ZSWIM8: variants seen among roughly 807,000 people sequenced by gnomAD.
ZSWIM8 encodes the protein zinc finger SWIM domain-containing protein 8.
A neutral mutation model predicts 173.7 loss-of-function variants in ZSWIM8; 27 were observed. The ratio of observed to expected loss-of-function variants is 0.16; its 90% confidence interval spans 0.11 to 0.21. The LOEUF (loss-of-function observed/expected upper bound fraction) is 0.21. ZSWIM8 is among the 10% of genes least tolerant of loss of function. ZSWIM8 has a pLI of 1.00. For synonymous variants in ZSWIM8, 958 were observed against 962.0 expected, an observed-to-expected ratio of 1.00 and a Z score of 0.08; for missense variants, 1,627 against 2,428.8, an observed-to-expected ratio of 0.67 and a Z score of 6.94.
In ZSWIM8 at chr10:73,799,389, T is replaced by C; in HGVS notation, c.4564T>C (p.Cys1522Arg). Reference sequence around the variant, plus strand: ...CACTGCTCTACAGCCCCACCTGCCCTGTAGCCCTCAGTATCTCACTCACCC... The same window carrying C: ...CACTGCTCTACAGCCCCACCTGCCCCGTAGCCCTCAGTATCTCACTCACCC... Reference protein sequence around the residue: ...PYTALQPHLPCSPQYLTHPAH... With the variant: ...PYTALQPHLPRSPQYLTHPAH... The change falls in exon 21 of 26, where the codon TGT (cysteine) becomes CGT (arginine). Residue 1522 changes from cysteine to arginine, a missense_variant. This residue lies in a region of ZSWIM8 where 275 missense variants were observed against 290.1 expected (regional missense o/e 0.95). Transcript: ENST00000604729. 1 of 1,611,994 alleles carries C rather than the reference T, an allele frequency of 6.2e-7. No individual in the cohort carries two copies. Among genetic ancestry groups the C allele is most frequent in the Non-Finnish European group, 8.5e-7 (1 of 1,179,144 alleles).
chr10:73,789,306 G>A lies in ZSWIM8; in HGVS notation c.458-61G>A, dbSNP rs2083333770. 1.3e-6 allele frequency: 2 copies of A among 1,572,452 alleles called. No homozygotes were observed. The highest frequency in any genetic ancestry group is 1.7e-6 in the Non-Finnish European group (2 of 1,157,118). On this transcript the variant is annotated intron_variant, in intron 3 of 25. Transcript: ENST00000604729. The surrounding 1 kb of genome is among the most constrained non-coding windows in gnomAD (Gnocchi z 6.8). ...TTGTCTGAATAACTGCAGGGCCAGG[G>A]TCAAGGGCAGAGACCCAGGTCCTGA...
intron 20 of ZSWIM8, 74 bp downstream of exon 20, chr10:73,798,527 GC>G: frequency 7.3e-7 from 1 of 1,366,126 alleles, no homozygotes; most frequent in Non-Finnish European, 1.0e-6. Flanking sequence ...AAAGCTAAGG[GC>G]CCAGCTCTTG....
chr10:73,789,349 GCCC>G lies in ZSWIM8; in HGVS notation c.458-15_458-13del. 6.4e-7 allele frequency: 1 copy of G among 1,553,130 alleles called. No individual in the cohort carries two copies. Among genetic ancestry groups the G allele is most frequent in the Non-Finnish European group, 8.7e-7 (1 of 1,147,618 alleles). On this transcript the variant is annotated splice_polypyrimidine_tract_variant and intron_variant, in intron 3 of 25. Coordinates refer to ENST00000604729, the MANE Select transcript of ZSWIM8 (RefSeq NM_001367799.1). This position sits in a 1 kb window ranked among gnomAD's most constrained non-coding sequence, Gnocchi z 6.8. ...GGTCCTGACAGCACTCCCTGACCAT[GCCC>G]CCATTTCTCCCCAGGGTTCCACCTG...
At chr10:73,795,776 G>A in intron 15 of ZSWIM8, 113 bp downstream of exon 15, 13 of 1,232,008 alleles carry the variant, frequency 1.1e-5, no homozygotes, top group Non-Finnish European at 1.3e-5. Context: ...TGGGCAACAT[G>A]GCGAAACCCC....
In ZSWIM8 at chr10:73,791,059, T is replaced by C. The variant is rs1327482708; in HGVS notation, c.1026T>C (p.Arg342=). 2 of 1,613,832 alleles carry C rather than the reference T, an allele frequency of 1.2e-6. No homozygotes were observed. Among genetic ancestry groups the C allele is most frequent in the Non-Finnish European group, 1.7e-6 (2 of 1,179,890 alleles). ...WACLLRPLRG[R]EPEGVWNLLS... is the part of the protein sequence containing the mutation. ...GTCTGCTGCGCCCTCTGAGGGGCCG[T>C]GAGCCAGAGGGCGTCTGGAACCTGC... The change falls in exon 8 of 26, where the codon CGT becomes CGC. Residue 342 remains arginine, a synonymous_variant. Transcript: ENST00000604729. This position sits in a 1 kb window ranked among gnomAD's most constrained non-coding sequence, Gnocchi z 6.0.
rs1285843197 is a variant in ZSWIM8 at position 73,789,247 on chromosome 10, GAAGT to G, written c.457+61_457+64del. The G allele has an allele frequency of 3.5e-5, 56 of 1,610,820 alleles. 1 individual carries two copies. In the Middle Eastern group the frequency reaches 4.9e-4, roughly 14 times the overall value. ...CTGCTCCTCCCATCCCCTGGCTTAT[GAAGT>G]AAGAACACACCGCAAGAAGCTGGAG... On this transcript the variant is annotated intron_variant, in intron 3 of 25. Coordinates refer to ENST00000604729, the MANE Select transcript of ZSWIM8 (RefSeq NM_001367799.1). This position sits in a 1 kb window ranked among gnomAD's most constrained non-coding sequence, Gnocchi z 6.8.
rs756279228 is a variant in ZSWIM8, at chr10:73,797,327, T to G, written c.3434-50T>G. On this transcript the variant is annotated intron_variant, in intron 17 of 25. Transcript: ENST00000604729. The surrounding 1 kb of genome is among the most constrained non-coding windows in gnomAD (Gnocchi z 5.6). The stretch of plus-strand genomic sequence containing the variant: ...AAGGATAATCCTGAAGGTTGGAGTC[T>G]TAACATCTGGGACTCCTGACTTCTG... 3 of 1,612,980 alleles carry G rather than the reference T, an allele frequency of 1.9e-6. No individual in the cohort carries two copies. The South Asian group carries it at 3.3e-5, about 18-fold the overall frequency.
chr10:73,794,101 T>C (rs778018509), intron 12 of ZSWIM8, 46 bp from the exon 13 acceptor site: 21 of 1,611,882 alleles, frequency 1.3e-5, no homozygotes, highest in Non-Finnish European at 1.8e-5. Context: ...TGCACCTTGA[T>C]CTCTATTGAC....
Position 73,800,619 on chromosome 10 carries a change from C to A in ZSWIM8, c.5003-21C>A. 1 of 1,610,286 alleles carries A rather than the reference C, an allele frequency of 6.2e-7. No homozygotes were observed. Reference sequence around the variant, plus strand: ...GAAGAGGATACACCGTACCATGTGCCCACCCTTATCTATCTCCCAGGAATG... The same window carrying A: ...GAAGAGGATACACCGTACCATGTGCACACCCTTATCTATCTCCCAGGAATG... On this transcript the variant is annotated intron_variant, in intron 23 of 25. Coordinates refer to ENST00000604729, the MANE Select transcript of ZSWIM8 (RefSeq NM_001367799.1). The surrounding 1 kb of genome is among the most constrained non-coding windows in gnomAD (Gnocchi z 4.1).
At position 73,789,976 on chromosome 10, in the gene ZSWIM8, T is replaced by C; in HGVS notation, c.759T>C (p.Arg253=). ...LPQQILPTAQ[R]LLDELLSSQS... is the part of the protein sequence containing the mutation. ...CTCAGATCCTCCCCACAGCTCAGCG[T>C]CTCCTGGACGAACTCCTGTCTTCCC... The change falls in exon 6 of 26, where the codon CGT becomes CGC. Residue 253 remains arginine (R), a synonymous_variant. Coordinates refer to ENST00000604729, the MANE Select transcript of ZSWIM8 (RefSeq NM_001367799.1). The surrounding 1 kb of genome is among the most constrained non-coding windows in gnomAD (Gnocchi z 6.8). The C allele has an allele frequency of 6.2e-7, 1 of 1,613,436 alleles. No homozygotes were observed. The highest frequency in any genetic ancestry group is 8.5e-7 in the Non-Finnish European group (1 of 1,179,694).
chr10:73,800,686 C>T lies in ZSWIM8; in HGVS notation c.5049C>T (p.His1683=). The part of the protein sequence containing the change: ...EMLGRRAHND[H]PNNFSRSPPY... The stretch of plus-strand genomic sequence containing the variant: ...TGGGTCGCCGGGCACACAACGATCA[C>T]CCCAACAACTTCTCCCGCTCCCCCC... Residue 1683 remains histidine (H), a synonymous_variant, in exon 24 of 26, where the codon CAC becomes CAT. Coordinates refer to ENST00000604729, the MANE Select transcript of ZSWIM8 (RefSeq NM_001367799.1). This position sits in a 1 kb window ranked among gnomAD's most constrained non-coding sequence, Gnocchi z 4.1. The T allele has an allele frequency of 6.2e-7, 1 of 1,613,818 alleles. No homozygotes were observed. Among genetic ancestry groups the T allele is most frequent in the Non-Finnish European group, 8.5e-7 (1 of 1,179,796 alleles).
chr10:73,791,898 G>A lies in ZSWIM8; in HGVS notation c.1359G>A (p.Leu453=), dbSNP rs753876322. ...GTACGCAGCTGCGGCAGTGGCAACT[G>A]AAGGTGATTGAGAACGTCAAGCGGG... ...ELCTQLRQWQ[L]KVIENVKRGQ... Residue 453 remains leucine (L), a synonymous_variant, in exon 10 of 26, where the codon CTG becomes CTA. Coordinates refer to ENST00000604729, the MANE Select transcript of ZSWIM8 (RefSeq NM_001367799.1). This position sits in a 1 kb window ranked among gnomAD's most constrained non-coding sequence, Gnocchi z 6.0. 4.5e-6 allele frequency: 7 copies of A among 1,546,142 alleles called. No homozygotes were observed. In the South Asian group the frequency reaches 8.4e-5, roughly 18 times the overall value.
Position 73,791,424 on chromosome 10 carries a change from C to A in ZSWIM8, c.1244C>A (p.Ala415Asp). 6.2e-7 allele frequency: 1 copy of A among 1,613,938 alleles called. No homozygotes were observed. Among genetic ancestry groups the A allele is most frequent in the Non-Finnish European group, 8.5e-7 (1 of 1,179,820 alleles). Residue 415 changes from alanine (A) to aspartate (D), a missense_variant, in exon 9 of 26, where the codon GCC becomes GAC. Ala to Asp is a moderately radical substitution (Grantham distance 126). Coordinates refer to ENST00000604729, the MANE Select transcript of ZSWIM8 (RefSeq NM_001367799.1). The surrounding 1 kb of genome is among the most constrained non-coding windows in gnomAD (Gnocchi z 6.0). ...SNGQSEVAAHACASMCDEMVT... is the reference protein window; with the variant it reads ...SNGQSEVAAHDCASMCDEMVT... The stretch of plus-strand genomic sequence containing the variant: ...GGGCAGTCAGAGGTGGCAGCCCATG[C>A]CTGTGCCAGCATGTGTGACGAGATG...
In ZSWIM8 at chr10:73,789,293, C is replaced by T; in HGVS notation, c.458-74C>T. 6.3e-7 allele frequency: 1 copy of T among 1,587,252 alleles called. No homozygotes were observed. Among genetic ancestry groups the T allele is most frequent in the Non-Finnish European group, 8.6e-7 (1 of 1,164,194 alleles). ...AAGCTGGAGCATGTTGTCTGAATAA[C>T]TGCAGGGCCAGGGTCAAGGGCAGAG... On this transcript the variant is annotated intron_variant, in intron 3 of 25. Transcript: ENST00000604729. This position sits in a 1 kb window ranked among gnomAD's most constrained non-coding sequence, Gnocchi z 6.8.
Position 73,792,195 on chromosome 10 carries a change from G to T in ZSWIM8, c.1656G>T (p.Leu552Phe). Reference sequence around the variant, plus strand: ...AGCCTGGGACCAAGCGAAAGGGCTTGGGTGAGGGGGTCCCCTCATCACAGC... The same window carrying T: ...AGCCTGGGACCAAGCGAAAGGGCTTTGGTGAGGGGGTCCCCTCATCACAGC... ...PKEPGTKRKG[L>F]GEGVPSSQRG... Residue 552 changes from leucine to phenylalanine, a missense_variant, in exon 10 of 26, where the codon TTG (leucine) becomes TTT (phenylalanine). By Grantham distance (22) the Leu-to-Phe change is conservative. Around this residue, in one of 18 missense-constraint regions of ZSWIM8, gnomAD observed 383 missense variants for 394.8 expected, o/e 0.97. Coordinates refer to ENST00000604729, the MANE Select transcript of ZSWIM8 (RefSeq NM_001367799.1). This position sits in a 1 kb window ranked among gnomAD's most constrained non-coding sequence, Gnocchi z 4.3. 1 of 1,534,880 alleles carries T rather than the reference G, an allele frequency of 6.5e-7. No individual in the cohort carries two copies. The highest frequency in any genetic ancestry group is 1.3e-5 in the South Asian group (1 of 78,058).
At position 73,794,235 on chromosome 10, in the gene ZSWIM8, G is replaced by A. The variant is rs762442972; in HGVS notation, c.2714G>A (p.Arg905Gln). The change falls in exon 13 of 26, where the codon CGG becomes CAG. Residue 905 changes from arginine (R) to glutamine (Q), a missense_variant. Around this residue, in one of 18 missense-constraint regions of ZSWIM8, gnomAD observed 169 missense variants for 235.3 expected, o/e 0.72. Coordinates refer to ENST00000604729, the MANE Select transcript of ZSWIM8 (RefSeq NM_001367799.1). ...GPSEMSTMRC[R>Q]AEELREGTLC... is the part of the protein sequence containing the mutation. Reference sequence around the variant, plus strand: ...AGTGAGATGAGTACCATGCGGTGCCGGGCAGAGGAACTTCGGGAGGGGACA... The same window carrying A: ...AGTGAGATGAGTACCATGCGGTGCCAGGCAGAGGAACTTCGGGAGGGGACA... 5.6e-6 allele frequency: 9 copies of A among 1,613,996 alleles called. No individual in the cohort carries two copies. Among genetic ancestry groups the A allele is most frequent in the South Asian group, 2.2e-5 (2 of 91,088 alleles).
At chr10:73,796,567 G>A (rs887511646) in intron 15 of ZSWIM8, 90 of 629,938 alleles carry the variant, frequency 1.4e-4, no homozygotes, top group Middle Eastern at 5.2e-4. Context: ...GCCCTGTGGT[G>A]TTAATGGAGG....
rs1463694463 is a variant in ZSWIM8 at position 73,800,808 on chromosome 10, C to T, written c.5122+49C>T. 5 of 1,401,400 alleles carry T rather than the reference C, an allele frequency of 3.6e-6. No homozygotes were observed. Among genetic ancestry groups the T allele is most frequent in the East Asian group, 4.6e-5 (2 of 43,394 alleles). The allele number at this position is 1,401,400 out of a possible 1,614,324, so 86.8% of individuals were successfully genotyped here. A position where few individuals can be genotyped will look rare whatever the true frequency, so the allele number is the denominator to read the frequency against. Reference sequence around the variant, plus strand: ...CATTGCCCCCCCCCCACCTGCTCTCCCCACCTTCCTTATCCCAGACCTCCT... The same window carrying T: ...CATTGCCCCCCCCCCACCTGCTCTCTCCACCTTCCTTATCCCAGACCTCCT... On this transcript the variant is annotated intron_variant, in intron 24 of 25. Coordinates refer to ENST00000604729, the MANE Select transcript of ZSWIM8 (RefSeq NM_001367799.1). This position sits in a 1 kb window ranked among gnomAD's most constrained non-coding sequence, Gnocchi z 4.1.
chr10:73,792,604 C>G lies in ZSWIM8; in HGVS notation c.2065C>G (p.Pro689Ala), dbSNP rs748575030. The G allele has an allele frequency of 7.4e-5, 119 of 1,613,908 alleles. No individual in the cohort carries two copies. Among genetic ancestry groups the G allele is most frequent in the Non-Finnish European group, 9.2e-5 (109 of 1,179,880 alleles). ...PEPPTASVGP[P>A]GLLPGDVCTQ... is the part of the protein sequence containing the mutation. Reference sequence around the variant, plus strand: ...GCCTCCCACAGCCTCTGTTGGCCCCCCTGGCCTACTGCCTGGGGATGTCTG... The same window carrying G: ...GCCTCCCACAGCCTCTGTTGGCCCCGCTGGCCTACTGCCTGGGGATGTCTG... The change falls in exon 10 of 26, where the codon CCT (proline) becomes GCT (alanine). Residue 689 changes from proline to alanine, a missense_variant. Physicochemically the swap from Pro to Ala is conservative, Grantham distance 27. Transcript: ENST00000604729. This position sits in a 1 kb window ranked among gnomAD's most constrained non-coding sequence, Gnocchi z 4.3.
Sources: gnomAD v4.1 joint callset for allele counts on GRCh38, gnomAD v4.1.1 for gene constraint, gnomAD v4.1.1 regional missense constraint, Gnocchi (gnomAD v3.1) non-coding constraint, MANE v1.5 for transcripts, NCBI Gene and HGNC (gene_info 2026-07-23, HGNC 2026-07-21) for gene names.